Variants in TMEM168 observed in about 807,000 individuals in gnomAD.
The protein encoded by TMEM168 is transmembrane protein 168.
Under a neutral mutation model 53.2 loss-of-function variants are expected in TMEM168, and 40 were observed. The observed-to-expected ratio is 0.75, with a 90% CI of 0.58 to 0.98. TMEM168 has a LOEUF of 0.98. TMEM168 is among the 50% of genes least tolerant of loss of function. The probability of loss-of-function intolerance (pLI) is 0.00; values close to 1 mark genes in which losing one functional copy is unlikely to be tolerated. For synonymous variants in TMEM168, 282 were observed against 293.0 expected, an observed-to-expected ratio of 0.96 and a Z score of 0.38; for missense variants, 771 against 828.8, an observed-to-expected ratio of 0.93 and a Z score of 0.86.
intron 1 of TMEM168, among the ~76,000 whole-genome samples, chr7:112,787,629 G>A (rs974291243): frequency 2.0e-5 from 3 of 150,740 alleles, no homozygotes; most frequent in African/African-American, 7.3e-5. Context: ...TGGCCAGGCT[G>A]GTCTCAAACT....
intron 1 of TMEM168, among the ~76,000 whole-genome samples, chr7:112,786,697 A>G (rs1229508715): frequency 6.6e-6 from 1 of 152,196 alleles, no homozygotes; most frequent in African/African-American, 2.4e-5. Context: ...ATCTGGGCTC[A>G]GACTACTGAA....
At position 112,767,834 on chromosome 7, in the gene TMEM168, T is replaced by C; in HGVS notation, c.1547-90A>G. On this transcript the variant is annotated intron_variant, in intron 4 of 4. Transcript: ENST00000312814. ...TAATCATTTTCTTCTAGAGAGAAAATACTCTTGTTATACATGTATTTTCCT... is the reference window on the plus strand; with the variant it reads ...TAATCATTTTCTTCTAGAGAGAAAACACTCTTGTTATACATGTATTTTCCT... 5 of 1,184,788 alleles carry C rather than the reference T, an allele frequency of 4.2e-6. No homozygotes were observed. The South Asian group carries it at 7.8e-5, about 18-fold the overall frequency. 73.4% of individuals were successfully genotyped at this position (1,184,788 alleles called of 1,614,324 possible).
At position 112,767,564 on chromosome 7, in the gene TMEM168, TCTA is replaced by T; in HGVS notation, c.1724_1726del (p.Val575del). The T allele has an allele frequency of 1.2e-6, 2 of 1,614,164 alleles. No individual in the cohort carries two copies. Among genetic ancestry groups the T allele is most frequent in the Non-Finnish European group, 1.7e-6 (2 of 1,180,014 alleles). ...CTGTGGCGGGTCAGCTTCTTCAATATCTACTGTTTTTATCAACTCTGCTCCTTG... is the reference window on the plus strand; with the variant it reads ...CTGTGGCGGGTCAGCTTCTTCAATATCTGTTTTTATCAACTCTGCTCCTTG... On this transcript the variant is annotated inframe_deletion, in exon 5 of 5. Transcript: ENST00000312814.
In TMEM168 at chr7:112,765,702, T is replaced by C. The variant is rs1792758372; in HGVS notation, c.*1495A>G. The stretch of plus-strand genomic sequence containing the variant: ...CACTTTTAATAAATATACTAAAATA[T>C]TCAATATTTGCACATCATTAAATAA... On this transcript the variant is annotated 3_prime_UTR_variant, in exon 5 of 5. Coordinates refer to ENST00000312814, the MANE Select transcript of TMEM168 (RefSeq NM_022484.6). 1 of 152,530 alleles carries C rather than the reference T, an allele frequency of 6.6e-6. No individual in the cohort carries two copies. Among genetic ancestry groups the C allele is most frequent in the African/African-American group, 2.4e-5 (1 of 41,438 alleles). 9.4% of individuals were successfully genotyped at this position (152,530 alleles called of 1,614,324 possible).
chr7:112,763,482 A>G lies in TMEM168; in HGVS notation c.*3715T>C, dbSNP rs1792704483. On this transcript the variant is annotated 3_prime_UTR_variant, in exon 5 of 5. Coordinates refer to ENST00000312814, the MANE Select transcript of TMEM168 (RefSeq NM_022484.6). ...GTGTACCAGAAATACCAACATGTGT[A>G]AGCCTCTGCCTAAAAAGAGGTGACA... 6.6e-6 allele frequency: 1 copy of G among 152,166 alleles called. No homozygotes were observed. The highest frequency in any genetic ancestry group is 1.5e-5 in the Non-Finnish European group (1 of 68,010). The allele number at this position is 152,166 out of a possible 1,614,324, so 9.4% of individuals were successfully genotyped here.
At chr7:112,780,095 T>C (rs1793188666) in intron 2 of TMEM168, among the ~76,000 whole-genome samples, 1 of 152,216 alleles carries the variant, frequency 6.6e-6, no homozygotes, top group Admixed American at 6.5e-5. Flanking sequence ...GTCAAATGAC[T>C]TCTTTACGTG....
intron 1 of TMEM168, among the ~76,000 whole-genome samples, chr7:112,786,503 C>T (rs758570290): frequency 1.2e-4 from 18 of 152,032 alleles, no homozygotes; most frequent in Non-Finnish European, 2.4e-4. Flanking sequence ...TCTTAAGGTA[C>T]CACATAATGT....
At chr7:112,782,006 C>T (rs937471498) in intron 2 of TMEM168, among the ~76,000 whole-genome samples, 1 of 152,072 alleles carries the variant, frequency 6.6e-6, no homozygotes, top group Non-Finnish European at 1.5e-5. Flanking sequence ...ACAAAGGGCT[C>T]GTATCCAGAA....
At chr7:112,775,610 A>AC (rs1174159652) in intron 2 of TMEM168, among the ~76,000 whole-genome samples, 4 of 151,794 alleles carry the variant, frequency 2.6e-5, no homozygotes, top group African/African-American at 4.8e-5. Context: ...GAAAAAAAAA[A>AC]AAAACAAAAC....
intron 1 of TMEM168, among the ~76,000 whole-genome samples, chr7:112,788,220 G>C (rs890257216): frequency 2.6e-5 from 4 of 151,862 alleles, no homozygotes; most frequent in Non-Finnish European, 4.4e-5. Flanking sequence ...CCCAAACCTA[G>C]GCTTTTCTCT....
Position 112,764,768 on chromosome 7 carries a change from G to C in TMEM168, c.*2429C>G, listed in dbSNP as rs1185609209. The stretch of plus-strand genomic sequence containing the variant: ...CTGCCTCGGCCTCCCAAAGTGCTGG[G>C]ATTACAGGCATGAGCCACCATGCCT... On this transcript the variant is annotated 3_prime_UTR_variant, in exon 5 of 5. Transcript: ENST00000312814. 4.7e-5 allele frequency: 7 copies of C among 150,054 alleles called. No homozygotes were observed. Among genetic ancestry groups the C allele is most frequent in the African/African-American group, 1.7e-4 (7 of 40,748 alleles). The allele number at this position is 150,054 out of a possible 1,614,324, so 9.3% of individuals were successfully genotyped here.
chr7:112,769,327 A>G (rs1385295265), intron 4 of TMEM168, among the ~76,000 whole-genome samples: 1 of 152,166 alleles, frequency 6.6e-6, no homozygotes, highest in African/African-American at 2.4e-5. Flanking sequence ...TTCCACTGAT[A>G]CCTCCAAAAG....
intron 2 of TMEM168, among the ~76,000 whole-genome samples, chr7:112,783,095 C>T (rs1300709050): frequency 1.3e-5 from 2 of 152,176 alleles, no homozygotes; most frequent in Admixed American, 1.3e-4. Context: ...TCTTTGTCTA[C>T]AAGAACCTTT....
At chr7:112,777,508 T>C (rs1793115966) in intron 2 of TMEM168, among the ~76,000 whole-genome samples, 1 of 152,154 alleles carries the variant, frequency 6.6e-6, no homozygotes, top group East Asian at 1.9e-4. Context: ...TTGAGACTCT[T>C]ATAAAATATG....
chr7:112,788,193 T>C (rs1187651052), intron 1 of TMEM168, among the ~76,000 whole-genome samples: 1 of 152,194 alleles, frequency 6.6e-6, no homozygotes, highest in African/African-American at 2.4e-5. Flanking sequence ...TCTCAACCCA[T>C]CCTTTGGATG....
rs149936159 is a variant in TMEM168 at position 112,767,462 on chromosome 7, C to T, written c.1829G>A (p.Arg610His). 22 of 1,614,048 alleles carry T rather than the reference C, an allele frequency of 1.4e-5. No homozygotes were observed. The highest frequency in any genetic ancestry group is 1.2e-4 in the African/African-American group (9 of 74,918). ...CACACCATATACTGCTTTCACTGTG[C>T]GTCCCTTTTCAGTCCAGCAGATGTT... is the stretch of plus-strand genomic sequence containing the variant. ...SNNICWTEKG[R>H]TVKAVYGVSK... The change falls in exon 5 of 5, where the codon CGC (arginine) becomes CAC (histidine). Residue 610 changes from arginine (R) to histidine (H), a missense_variant. By Grantham distance (29) the Arg-to-His change is conservative. Coordinates refer to ENST00000312814, the MANE Select transcript of TMEM168 (RefSeq NM_022484.6).
Position 112,767,756 on chromosome 7 carries a change from AG to A in TMEM168, c.1547-13del, listed in dbSNP as rs765751347. On this transcript the variant is annotated splice_polypyrimidine_tract_variant and intron_variant, in intron 4 of 4. Coordinates refer to ENST00000312814, the MANE Select transcript of TMEM168 (RefSeq NM_022484.6). The stretch of plus-strand genomic sequence containing the variant: ...TAGTGTATCTCCACCTGTGAACAAG[AG>A]AAAATTCAATGGAGCAATAATTTCT... 14 of 1,579,460 alleles carry A rather than the reference AG, an allele frequency of 8.9e-6. No individual in the cohort carries two copies. The highest frequency in any genetic ancestry group is 1.4e-5 in the African/African-American group (1 of 73,456).
rs144584238 is a variant in TMEM168, at chr7:112,775,314, G to T, written c.1133C>A (p.Thr378Lys). 1.3e-5 allele frequency: 21 copies of T among 1,612,106 alleles called. No homozygotes were observed. The African/African-American group carries it at 2.4e-4, about 18-fold the overall frequency. The change falls in exon 3 of 5, where the codon ACA becomes AAA. Residue 378 changes from threonine (T) to lysine (K), a missense_variant. Transcript: ENST00000312814. Reference protein sequence around the residue: ...AILGAVSWQPTNGIFLSMFLI... With the variant: ...AILGAVSWQPKNGIFLSMFLI... ...AAACATGCTCAAGAAAATTCCATTTGTTGGCTAAAAGAAATCCAAAACATG... is the reference window on the plus strand; with the variant it reads ...AAACATGCTCAAGAAAATTCCATTTTTTGGCTAAAAGAAATCCAAAACATG...
In TMEM168 at chr7:112,775,253, C is replaced by T; in HGVS notation, c.1194G>A (p.Gly398=). ...AACAGTTACCCAATTCATGGAAGAG[C>T]CCATGAGCCATGGATTCCAATGGCA... The part of the protein sequence containing the change: ...IVLPLESMAH[G]LFHELGNCLG... Residue 398 remains glycine (G), a synonymous_variant, in exon 3 of 5, where the codon GGG becomes GGA. Coordinates refer to ENST00000312814, the MANE Select transcript of TMEM168 (RefSeq NM_022484.6). The T allele has an allele frequency of 6.2e-7, 1 of 1,613,342 alleles. No homozygotes were observed. Among genetic ancestry groups the T allele is most frequent in the Non-Finnish European group, 8.5e-7 (1 of 1,179,572 alleles).
Sources: allele counts gnomAD v4.1 joint callset (sites outside exome capture counted in the v4.1 genomes callset), GRCh38; gene constraint gnomAD v4.1.1; transcripts MANE v1.5; gene names NCBI Gene and HGNC (gene_info 2026-07-23, HGNC 2026-07-21).